Variants in LTBR observed in about 807,000 individuals in gnomAD.
LTBR encodes the protein lymphotoxin beta receptor.
Under a neutral mutation model 45.4 loss-of-function variants are expected in LTBR, and 15 were observed. The observed-to-expected ratio is 0.33, with a 90% CI of 0.22 to 0.51. The LOEUF (loss-of-function observed/expected upper bound fraction) is 0.51, where lower values mean the gene tolerates loss of function less well. Ranked by LOEUF, LTBR falls within the 20% of genes least tolerant of loss-of-function variation. The pLI, the probability that LTBR is intolerant of heterozygous loss-of-function variation, is 0.97. For synonymous variants in LTBR, 228 were observed against 231.0 expected (o/e 0.99, Z 0.12); for missense variants, 450 against 565.5 (o/e 0.80, Z 2.07).
upstream of LTBR, chr12:6,375,194 C>T: frequency 2.1e-6 from 3 of 1,448,058 alleles, no homozygotes; most frequent in East Asian, 2.5e-5. Context: ...CAGCTCCTGC[C>T]TCTCACTCCC....
chr12:6,391,032 G>A lies in LTBR; in HGVS notation c.*95G>A. On this transcript the variant is annotated 3_prime_UTR_variant, in exon 10 of 10. Transcript: ENST00000228918. ...GTGGGATTCACAGGGGCCTGAGTAG[G>A]GCCCGGGGAAGCAGAGCCCTAAGGG... 7.6e-7 allele frequency: 1 copy of A among 1,318,556 alleles called. No individual in the cohort carries two copies. Among genetic ancestry groups the A allele is most frequent in the African/African-American group, 1.5e-5 (1 of 66,722 alleles). The allele number at this position is 1,318,556 out of a possible 1,614,324, so 81.7% of individuals were successfully genotyped here. A position where few individuals can be genotyped will look rare whatever the true frequency, so the allele number is the denominator to read the frequency against.
In LTBR at chr12:6,377,480, C is replaced by T. The variant is rs2364476; in HGVS notation, c.39+1886C>T. ...GACAGACTCATGGGGGATCGGGGCT[C>T]AGGTGCACCTGGATGTGAAAGCCGG... On this transcript the variant is annotated intron_variant, in intron 1 of 9. Transcript: ENST00000539925. 6.9e-3 allele frequency: 4,512 copies of T among 657,892 alleles called. 112 individuals carry two copies. Among genetic ancestry groups the T allele is most frequent in the East Asian group, 0.059 (2,085 of 35,362 alleles). The allele number at this position is 657,892 out of a possible 1,614,324, so 40.8% of individuals were successfully genotyped here.
In LTBR at chr12:6,385,923, G is replaced by A. The variant is rs35711704; in HGVS notation, c.473-143G>A. On this transcript the variant is annotated intron_variant, in intron 4 of 9. Transcript: ENST00000228918. ...CCGTCTCAAAAAAAAAAAAAAAAAA[G>A]GCAGCAAAGCAGAGCTTGGGAAAGG... 342 of 368,334 alleles carry A rather than the reference G, an allele frequency of 9.3e-4. No individual in the cohort carries two copies. The African/African-American group carries it at 9.6e-3, about 10-fold the overall frequency. 22.8% of individuals were successfully genotyped at this position (368,334 alleles called of 1,614,324 possible).
rs1949052038 is a variant in LTBR at position 6,386,557 on chromosome 12, A to G, written c.667+113A>G. 1 of 804,658 alleles carries G rather than the reference A, an allele frequency of 1.2e-6. No individual in the cohort carries two copies. The highest frequency in any genetic ancestry group is 2.0e-6 in the Non-Finnish European group (1 of 492,364). 49.8% of individuals were successfully genotyped at this position (804,658 alleles called of 1,614,324 possible). The stretch of plus-strand genomic sequence containing the variant: ...AACACTTCCCTCCCAGAATTGGGCA[A>G]GAAGAAAGTTCCTTACAGAAAAAAT... On this transcript the variant is annotated intron_variant, in intron 6 of 9. Coordinates refer to ENST00000228918, the MANE Select transcript of LTBR (RefSeq NM_002342.3). The surrounding 1 kb of genome is among the most constrained non-coding windows in gnomAD (Gnocchi z 4.1).
At chr12:6,376,632 G>T (rs1948915078) in intron 1 of LTBR, among the ~76,000 whole-genome samples, 1 of 152,240 alleles carries the variant, frequency 6.6e-6, no homozygotes. Flanking sequence ...TGCAGCAAAA[G>T]GATAAGGAGT....
At chr12:6,375,427 C>T (rs1367897845), upstream of LTBR, 6 of 1,531,364 alleles carry the variant, frequency 3.9e-6, no homozygotes, top group African/African-American at 8.2e-5. Context: ...CTCCAGCTTC[C>T]CACTCCCAGG....
intron 9 of LTBR, 111 bp from the exon 10 acceptor site, chr12:6,390,549 G>A: frequency 8.5e-7 from 1 of 1,176,874 alleles, no homozygotes; most frequent in Non-Finnish European, 1.2e-6. Flanking sequence ...CCAGCAGCAA[G>A]CAGGAGAGGG....
At chr12:6,378,135 C>T (rs1948938693) in intron 1 of LTBR, among the ~76,000 whole-genome samples, 1 of 152,300 alleles carries the variant, frequency 6.6e-6, no homozygotes, top group Middle Eastern at 3.4e-3. Context: ...TTTCCCTCCC[C>T]AAAGGGGAGC....
chr12:6,375,315 C>T (rs1948885405), upstream of LTBR: 4 of 1,438,574 alleles, frequency 2.8e-6, no homozygotes, highest in East Asian at 2.5e-5. Context: ...CTTGCCCCCT[C>T]TCACTCTAGG....
Position 6,390,376 on chromosome 12 carries a change from G to A in LTBR, c.1030+36G>A, listed in dbSNP as rs766807673. The A allele has an allele frequency of 2.2e-5, 34 of 1,522,544 alleles. No homozygotes were observed. The South Asian group carries it at 3.6e-4, about 16-fold the overall frequency. The allele number at this position is 1,522,544 out of a possible 1,614,324, so 94.3% of individuals were successfully genotyped here. A position where few individuals can be genotyped will look rare whatever the true frequency, so the allele number is the denominator to read the frequency against. The stretch of plus-strand genomic sequence containing the variant: ...GGCAGGGAGAAGAGAGGAAGGATGG[G>A]GAGGGAGGGATGGCTGGCAGGGAGA... On this transcript the variant is annotated intron_variant, in intron 9 of 9. Transcript: ENST00000228918.
chr12:6,390,527 A>G, intron 9 of LTBR, 133 bp from the exon 10 acceptor site: 3 of 1,059,538 alleles, frequency 2.8e-6, no homozygotes, highest in Admixed American at 2.3e-5. Flanking sequence ...ATGAACACAG[A>G]AGCTCAATAA....
chr12:6,385,015 G>C lies in LTBR; in HGVS notation c.194-7G>C, dbSNP rs1024977206. 6.2e-7 allele frequency: 1 copy of C among 1,614,072 alleles called. No individual in the cohort carries two copies. Among genetic ancestry groups the C allele is most frequent in the African/African-American group, 1.3e-5 (1 of 74,940 alleles). ...CCTGAGGCTCTACTGCTCCACTCAC[G>C]TTCTAGGCACCTATGTCTCAGCTAA... On this transcript the variant is annotated splice_polypyrimidine_tract_variant and splice_region_variant and intron_variant, in intron 2 of 9. Transcript: ENST00000228918.
intron 4 of LTBR, chr12:6,385,644 C>G (rs1592098800): frequency 6.0e-6 from 3 of 498,022 alleles, no homozygotes; most frequent in African/African-American, 5.8e-5. Flanking sequence ...TGGTGGCCCA[C>G]GCCTGTAATC....
At chr12:6,375,718 G>A in intron 1 of LTBR, 2 of 1,426,970 alleles carry the variant, frequency 1.4e-6, no homozygotes, top group Non-Finnish European at 1.8e-6. Flanking sequence ...CTGGGCAGGG[G>A]CTTTAGACGC....
chr12:6,390,088 T>G, intron 8 of LTBR, 24 bp from the exon 9 acceptor site: 1 of 1,532,492 alleles, frequency 6.5e-7, no homozygotes, highest in Non-Finnish European at 9.0e-7. Context: ...CATCATTGTT[T>G]GGGTCTCCAT....
chr12:6,382,553 C>A (rs1321025038), upstream of LTBR, among the ~76,000 whole-genome samples: 1 of 152,214 alleles, frequency 6.6e-6, no homozygotes. Context: ...CTCAGCAGCC[C>A]CGCGCAGTGC....
chr12:6,384,244 A>G lies in LTBR; in HGVS notation c.-115A>G. 7.2e-7 allele frequency: 1 copy of G among 1,397,424 alleles called. No individual in the cohort carries two copies. The highest frequency in any genetic ancestry group is 9.2e-7 in the Non-Finnish European group (1 of 1,081,226). 86.6% of individuals were successfully genotyped at this position (1,397,424 alleles called of 1,614,324 possible). A position where few individuals can be genotyped will look rare whatever the true frequency, so the allele number is the denominator to read the frequency against. ...GGCCCTGGGGTGCACATCGGCCCTG[A>G]GTCCCGTCCCAGGCTCTGGGCTCGG... is the stretch of plus-strand genomic sequence containing the variant. On this transcript the variant is annotated 5_prime_UTR_variant, in exon 1 of 10. It removes the in-frame stop codon of an upstream open reading frame in the 5' UTR. Coordinates refer to ENST00000228918, the MANE Select transcript of LTBR (RefSeq NM_002342.3).
chr12:6,390,954 GCA>G lies in LTBR; in HGVS notation c.*18_*19del, dbSNP rs757075338. 3 of 1,515,236 alleles carry G rather than the reference GCA, an allele frequency of 2.0e-6. No homozygotes were observed. The highest frequency in any genetic ancestry group is 2.7e-6 in the Non-Finnish European group (3 of 1,129,096). 93.9% of individuals were successfully genotyped at this position (1,515,236 alleles called of 1,614,324 possible). ...CATGACTGACTGAGTCTGAGAAAAG[GCA>G]GAAGAAGGGGGGCACAAGGGCACCT... is the stretch of plus-strand genomic sequence containing the variant. On this transcript the variant is annotated 3_prime_UTR_variant, in exon 10 of 10. Transcript: ENST00000228918.
chr12:6,388,348 CT>C lies in LTBR; in HGVS notation c.668-49del. On this transcript the variant is annotated intron_variant, in intron 6 of 9. Transcript: ENST00000228918. The surrounding 1 kb of genome is among the most constrained non-coding windows in gnomAD (Gnocchi z 4.3). Reference sequence around the variant, plus strand: ...GAAAGCTCTTCCTTCTCCTCCTCCCCTCTGCCCTTCTTGGGGCTGTGATCAC... The same window carrying C: ...GAAAGCTCTTCCTTCTCCTCCTCCCCCTGCCCTTCTTGGGGCTGTGATCAC... 7.2e-7 allele frequency: 1 copy of C among 1,389,590 alleles called. No individual in the cohort carries two copies. The highest frequency in any genetic ancestry group is 1.0e-6 in the Non-Finnish European group (1 of 977,656). The allele number at this position is 1,389,590 out of a possible 1,614,324, so 86.1% of individuals were successfully genotyped here.
Sources: allele counts gnomAD v4.1 joint callset (sites outside exome capture counted in the v4.1 genomes callset), GRCh38; gene constraint gnomAD v4.1.1; non-coding constraint Gnocchi (gnomAD v3.1); transcripts MANE v1.5; gene names NCBI Gene and HGNC (gene_info 2026-07-23, HGNC 2026-07-21).